Variants in DLL3 observed in about 807,000 individuals in gnomAD.
DLL3 encodes the protein delta like canonical Notch ligand 3, also known as delta-like protein 3.
DLL3 carries 49 observed loss-of-function variants against 55.0 expected under a neutral mutation model. The ratio of observed to expected loss-of-function variants is 0.89; its 90% CI spans 0.71 to 1.13. The LOEUF is 1.13. Among genes scored for constraint, DLL3 ranks in the 50% most tolerant of loss-of-function variants. The probability of loss-of-function intolerance (pLI) is 0.00; values close to 1 mark genes in which losing one functional copy is unlikely to be tolerated. For synonymous variants in DLL3, 421 were observed against 385.2 expected, an observed-to-expected ratio of 1.09 and a Z score of -1.09; for missense variants, 962 against 875.5, an observed-to-expected ratio of 1.10 and a Z score of -1.25.
Position 39,504,303 on chromosome 19 carries a change from T to G in DLL3, c.870+15T>G. ...GCAGCTGTAGTGTCAGTGTCACCCT[T>G]CCCACCTTGTCCTGCTTAGTACTTT... On this transcript the variant is annotated intron_variant, in intron 5 of 8. Coordinates refer to ENST00000356433, the MANE Select transcript of DLL3 (RefSeq NM_203486.3). 6.2e-7 allele frequency: 1 copy of G among 1,610,550 alleles called. No homozygotes were observed. The highest frequency in any genetic ancestry group is 8.5e-7 in the Non-Finnish European group (1 of 1,179,784).
In DLL3 at chr19:39,508,374, C is replaced by G; in HGVS notation, c.*117C>G. ...AATCTTGAAGGGGTGTCTGGGGGAA[C>G]TTTACTGTTGCAAGTTGTAAATAAT... On this transcript the variant is annotated 3_prime_UTR_variant, in exon 9 of 9. Transcript: ENST00000356433. 8.3e-7 allele frequency: 1 copy of G among 1,198,708 alleles called. No homozygotes were observed. The highest frequency in any genetic ancestry group is 1.2e-6 in the Non-Finnish European group (1 of 809,628). The allele number at this position is 1,198,708 out of a possible 1,614,324, so 74.3% of individuals were successfully genotyped here.
rs2144759301 is a variant in DLL3, at chr19:39,502,895, C to T, written c.490C>T (p.Arg164Cys). ...AGGPWARDIQRAGAWELRFSY... is the reference protein window; with the variant it reads ...AGGPWARDIQCAGAWELRFSY... ...AGGCCCGTGGGCCCGGGACATTCAG[C>T]GCGCAGGCGCCTGGGAGCTGCGCTT... The change falls in exon 4 of 9, where the codon CGC becomes TGC. Residue 164 changes from arginine to cysteine, a missense_variant. Arg to Cys is a radical substitution (Grantham distance 180). Transcript: ENST00000356433. 3 of 1,441,046 alleles carry T rather than the reference C, an allele frequency of 2.1e-6. No homozygotes were observed. Among genetic ancestry groups the T allele is most frequent in the Non-Finnish European group, 2.7e-6 (3 of 1,102,428 alleles). 89.3% of individuals were successfully genotyped at this position (1,441,046 alleles called of 1,614,324 possible). A position where few individuals can be genotyped will look rare whatever the true frequency, so the allele number is the denominator to read the frequency against.
chr19:39,502,780 C>T, intron 3 of DLL3, 35 bp from the exon 4 acceptor site: 1 of 1,355,354 alleles, frequency 7.4e-7, no homozygotes, highest in Non-Finnish European at 9.5e-7. Context: ...TCGGCCGGGC[C>T]CACCCCAGCA....
In DLL3 at chr19:39,504,246, G is replaced by T; in HGVS notation, c.828G>T (p.Gly276=). Residue 276 remains glycine (G), a synonymous_variant, in exon 5 of 9, where the codon GGG becomes GGT. Coordinates refer to ENST00000356433, the MANE Select transcript of DLL3 (RefSeq NM_203486.3). ...ATTGCLVPGP[G]PCDGNPCANG... ...CCGGATGCCTTGTCCCTGGGCCTGG[G>T]CCCTGTGACGGGAACCCGTGTGCCA... 1 of 1,613,032 alleles carries T rather than the reference G, an allele frequency of 6.2e-7. No individual in the cohort carries two copies. Among genetic ancestry groups the T allele is most frequent in the Non-Finnish European group, 8.5e-7 (1 of 1,180,028 alleles).
intron 2 of DLL3, among the ~76,000 whole-genome samples, 158 bp from the exon 3 acceptor site, chr19:39,500,457 C>T (rs181665478): frequency 2.0e-5 from 3 of 149,450 alleles, no homozygotes; most frequent in African/African-American, 7.3e-5. Context: ...GATGTCATTC[C>T]CTCCCTGGGC....
chr19:39,505,101 C>T, intron 5 of DLL3, 128 bp from the exon 6 acceptor site: 2 of 910,082 alleles, frequency 2.2e-6, no homozygotes, highest in South Asian at 2.8e-5. Context: ...GAGGACCTCC[C>T]AGGGTGGCCC....
rs1568452236 is a variant in DLL3, at chr19:39,508,249, T to C, written c.1759-3T>C. 1 of 1,612,700 alleles carries C rather than the reference T, an allele frequency of 6.2e-7. No individual in the cohort carries two copies. The highest frequency in any genetic ancestry group is 8.5e-7 in the Non-Finnish European group (1 of 1,178,800). On this transcript the variant is annotated splice_polypyrimidine_tract_variant and splice_region_variant and intron_variant, in intron 8 of 8. Coordinates refer to ENST00000356433, the MANE Select transcript of DLL3 (RefSeq NM_203486.3). ...TAATGCTTCCTACTCATTTTGTTTC[T>C]AGGCCTGACGCGTCTCCTCCATCCG... is the stretch of plus-strand genomic sequence containing the variant.
rs774585627 is a variant in DLL3, at chr19:39,499,254, G to C, written c.132G>C (p.Gly44=). 4.3e-5 allele frequency: 66 copies of C among 1,544,498 alleles called. No homozygotes were observed. The highest frequency in any genetic ancestry group is 7.8e-5 in the Admixed American group (4 of 51,482). ...IHSFGPGPGP[G]APRSPCSARL... ...CTTTCGGGCCGGGTCCAGGCCCTGG[G>C]GCCCCGCGGTCCCCCTGCAGCGCCC... Residue 44 remains glycine (G), a synonymous_variant, in exon 2 of 9, where the codon GGG becomes GGC. Transcript: ENST00000356433.
At chr19:39,505,127 T>G in intron 5 of DLL3, 102 bp from the exon 6 acceptor site, 1 of 1,244,716 alleles carries the variant, frequency 8.0e-7, no homozygotes, top group South Asian at 1.2e-5. Flanking sequence ...TAGTGGGACT[T>G]GAGACTGGAC....
intron 4 of DLL3, 41 bp downstream of exon 4, chr19:39,503,098 C>T: frequency 6.6e-7 from 1 of 1,512,064 alleles, no homozygotes; most frequent in Non-Finnish European, 8.8e-7. Flanking sequence ...CAGCCGGGGA[C>T]CCCGGCCCCT....
At chr19:39,501,306 G>A (rs2079608565) in intron 3 of DLL3, among the ~76,000 whole-genome samples, 2 of 152,002 alleles carry the variant, frequency 1.3e-5, no homozygotes, top group African/African-American at 4.8e-5. Context: ...CGGCCCCTAT[G>A]TGAAGCTCTG....
At chr19:39,499,502 T>C (rs1481130020) in intron 2 of DLL3, 29 bp downstream of exon 2, 1 of 1,572,504 alleles carries the variant, frequency 6.4e-7, no homozygotes, top group Non-Finnish European at 8.6e-7. Flanking sequence ...GGACTCCCGG[T>C]GCTGGAGGCC....
Position 39,507,885 on chromosome 19 carries a change from A to G in DLL3, c.1729A>G (p.Ile577Val), listed in dbSNP as rs144011919. Residue 577 changes from isoleucine to valine, a missense_variant, in exon 8 of 9, where the codon ATA becomes GTA. Physicochemically the swap from Ile to Val is conservative, Grantham distance 29. Coordinates refer to ENST00000356433, the MANE Select transcript of DLL3 (RefSeq NM_203486.3). ...TGTAGACCCTCAAGGGATTTATGTC[A>G]TATCTGCTCCTTCCATCTACGCTCG... The part of the protein sequence containing the change: ...EDVDPQGIYV[I>V]SAPSIYAREA 4.6e-5 allele frequency: 75 copies of G among 1,614,054 alleles called. 1 individual carries two copies. The African/African-American group carries it at 6.0e-4, about 13-fold the overall frequency.
rs1164056815 is a variant in DLL3, at chr19:39,507,928, T to C, written c.1758+14T>C. ...TACGCTCGGGAGGTAGCGACGCCCC[T>C]TTTCCCCCCGCTACACACTGGGCGC... On this transcript the variant is annotated intron_variant, in intron 8 of 8. Coordinates refer to ENST00000356433, the MANE Select transcript of DLL3 (RefSeq NM_203486.3). 2 of 1,614,026 alleles carry C rather than the reference T, an allele frequency of 1.2e-6. No individual in the cohort carries two copies. The highest frequency in any genetic ancestry group is 1.7e-5 in the Admixed American group (1 of 60,004).
At chr19:39,501,071 C>T (rs1322286102) in intron 3 of DLL3, among the ~76,000 whole-genome samples, 4 of 151,972 alleles carry the variant, frequency 2.6e-5, no homozygotes, top group African/African-American at 9.7e-5. Flanking sequence ...ATGATCTCAG[C>T]TCACTGCAAC....
At position 39,507,101 on chromosome 19, in the gene DLL3, C is replaced by A. The variant is rs1233408415; in HGVS notation, c.1156C>A (p.Pro386Thr). 1 of 1,543,392 alleles carries A rather than the reference C, an allele frequency of 6.5e-7. No homozygotes were observed. Among genetic ancestry groups the A allele is most frequent in the Non-Finnish European group, 8.7e-7 (1 of 1,151,870 alleles). ...RCRCRAGFAG[P>T]RCEHDLDDCA... ...CCGCTGCCGCGCCGGCTTCGCGGGT[C>A]CTCGCTGCGAGCACGACCTGGACGA... is the stretch of plus-strand genomic sequence containing the variant. Residue 386 changes from proline to threonine, a missense_variant, in exon 7 of 9, where the codon CCT becomes ACT. Pro to Thr is a conservative substitution (Grantham distance 38). Transcript: ENST00000356433.
chr19:39,499,361 G>A lies in DLL3; in HGVS notation c.239G>A (p.Gly80Asp). The A allele has an allele frequency of 6.4e-7, 1 of 1,558,536 alleles. No homozygotes were observed. The highest frequency in any genetic ancestry group is 8.6e-7 in the Non-Finnish European group (1 of 1,158,370). ...GCCGCCGAGTCCCCGTGCGCCCTGG[G>A]CGCGGCGCTGAGTGCGCGCGGACCG... The part of the protein sequence containing the change: ...EEAAESPCAL[G>D]AALSARGPVY... The change falls in exon 2 of 9, where the codon GGC (glycine) becomes GAC (aspartate). Residue 80 changes from glycine (G) to aspartate (D), a missense_variant. Coordinates refer to ENST00000356433, the MANE Select transcript of DLL3 (RefSeq NM_203486.3).
intron 6 of DLL3, among the ~76,000 whole-genome samples, chr19:39,506,515 C>T (rs1252704538): frequency 1.3e-5 from 2 of 152,038 alleles, no homozygotes; most frequent in African/African-American, 4.8e-5. Flanking sequence ...ATCTCTGGGC[C>T]GCACCCTCCT....
At chr19:39,506,072 C>T (rs1004442280) in intron 6 of DLL3, among the ~76,000 whole-genome samples, 6 of 151,858 alleles carry the variant, frequency 4.0e-5, no homozygotes, top group African/African-American at 1.5e-4. Context: ...ATTAGCCGGG[C>T]GTGATGGCAG....
Sources: gnomAD v4.1 joint callset for allele counts (sites outside exome capture counted in the v4.1 genomes callset) on GRCh38, gnomAD v4.1.1 for gene constraint, MANE v1.5 for transcripts, NCBI Gene and HGNC (gene_info 2026-07-23, HGNC 2026-07-21) for gene names.